Variants in EYS observed in about 807,000 individuals in gnomAD.
EYS encodes the protein protein eyes shut homolog.
Under a neutral mutation model 282.1 loss-of-function variants are expected in EYS, and 250 were observed. The observed-to-expected ratio is 0.89, with a 90% CI of 0.80 to 0.98. The LOEUF is 0.98. Ranked by LOEUF, EYS falls within the 50% of genes least tolerant of loss-of-function variation. EYS has a pLI of 0.00. For missense variants in EYS, 4,016 were observed against 3,709.0 expected (o/e 1.08, Z -2.15); for synonymous variants, 1,355 against 1,282.9 (o/e 1.06, Z -1.20).
At chr6:64,542,130 T>C (rs918006787) in intron 26 of EYS, among the ~76,000 whole-genome samples, 1 of 152,090 alleles carries the variant, frequency 6.6e-6, no homozygotes, top group African/African-American at 2.4e-5. Flanking sequence ...AATAATAAAA[T>C]AGTTCACCTC....
chr6:64,870,162 T>A (rs1320556082), intron 19 of EYS, among the ~76,000 whole-genome samples: 2 of 151,586 alleles, frequency 1.3e-5, no homozygotes, highest in Non-Finnish European at 3.0e-5. Context: ...CATATAACAC[T>A]GAAATTCCAC....
intron 26 of EYS, among the ~76,000 whole-genome samples, chr6:64,555,367 TGAG>T (rs1004838817): frequency 5.9e-5 from 9 of 151,484 alleles, no homozygotes; most frequent in Non-Finnish European, 1.2e-4. Flanking sequence ...GGTAGAGAAG[TGAG>T]GAGATGTTGG....
At chr6:64,874,764 AT>A (rs1249655494) in intron 19 of EYS, among the ~76,000 whole-genome samples, 1 of 152,126 alleles carries the variant, frequency 6.6e-6, no homozygotes, top group Non-Finnish European at 1.5e-5. Context: ...TAGAATATTT[AT>A]AAATTACCTT....
intron 29 of EYS, among the ~76,000 whole-genome samples, chr6:64,314,352 C>A (rs1769850346): frequency 6.6e-6 from 1 of 152,032 alleles, no homozygotes; most frequent in Admixed American, 6.5e-5. Flanking sequence ...AATATATATG[C>A]AACCAATACA....
At chr6:65,154,802 A>AT (rs1262602531) in intron 12 of EYS, among the ~76,000 whole-genome samples, 2 of 151,628 alleles carry the variant, frequency 1.3e-5, no homozygotes, top group Non-Finnish European at 3.0e-5. Flanking sequence ...AGGATATGTA[A>AT]TTATACTGAT....
intron 41 of EYS, among the ~76,000 whole-genome samples, chr6:63,749,206 G>T (rs1769282123): frequency 6.6e-6 from 1 of 152,112 alleles, no homozygotes; most frequent in South Asian, 2.1e-4. Flanking sequence ...TAGTTTCAAA[G>T]AACTTCTTGA....
chr6:64,379,566 T>A (rs939199910), intron 29 of EYS: 1 of 152,170 alleles, frequency 6.6e-6, no homozygotes. Flanking sequence ...TATGGTTTTG[T>A]TGATTTGTTT....
At chr6:65,371,741 C>CTCTCTCTCTCTGTGTG (rs1335075948) in intron 8 of EYS, among the ~76,000 whole-genome samples, 1 of 70,244 alleles carries the variant, frequency 1.4e-5, no homozygotes, top group African/African-American at 6.0e-5. Flanking sequence ...CTCTCTCTCT[C>CTCTCTCTCTCTGTGTG]TGTGTGTGTG....
chr6:64,290,513 A>G (rs186099814), intron 30 of EYS, among the ~76,000 whole-genome samples: 44 of 152,236 alleles, frequency 2.9e-4, no homozygotes, highest in African/African-American at 1.1e-3. Context: ...TGTAACAAAT[A>G]TATCACCAAA....
At chr6:65,696,261 TA>T (rs979841527) in intron 1 of EYS, among the ~76,000 whole-genome samples, 5 of 151,834 alleles carry the variant, frequency 3.3e-5, no homozygotes, top group East Asian at 1.9e-4. Context: ...TACTCCTGGT[TA>T]AAAAAAATCT....
intron 2 of EYS, among the ~76,000 whole-genome samples, chr6:65,533,521 G>C (rs1437283999): frequency 6.6e-6 from 1 of 152,038 alleles, no homozygotes; most frequent in South Asian, 2.1e-4. Flanking sequence ...GCCTGGGAGA[G>C]ACACAATAAA....
chr6:63,788,076 G>C (rs551500287), intron 39 of EYS, 29 bp downstream of exon 39: 2 of 1,474,472 alleles, frequency 1.4e-6, no homozygotes, highest in Non-Finnish European at 1.8e-6. Context: ...AAATAAGTAG[G>C]TATAATATAA....
intron 8 of EYS, among the ~76,000 whole-genome samples, chr6:65,371,739 C>CTGTGTGTG (rs1249374177): frequency 2.1e-4 from 11 of 51,714 alleles, no homozygotes; most frequent in East Asian, 9.1e-4. Flanking sequence ...CTCTCTCTCT[C>CTGTGTGTG]TCTGTGTGTG....
At chr6:65,061,085 G>A (rs578057283) in intron 12 of EYS, among the ~76,000 whole-genome samples, 1 of 151,936 alleles carries the variant, frequency 6.6e-6, no homozygotes, top group African/African-American at 2.4e-5. Flanking sequence ...AACAGATTTT[G>A]CGACTGACTC....
intron 2 of EYS, among the ~76,000 whole-genome samples, chr6:65,517,002 TGGATAATA>T (rs1767161320): frequency 1.3e-5 from 2 of 152,018 alleles, no homozygotes; most frequent in Non-Finnish European, 2.9e-5. Context: ...AAATACTATG[TGGATAATA>T]GCTCTATTAT....
intron 12 of EYS, among the ~76,000 whole-genome samples, chr6:65,225,666 A>T (rs1285630886): frequency 6.6e-6 from 1 of 150,882 alleles, no homozygotes; most frequent in South Asian, 2.1e-4. Context: ...GTGAGCCAAG[A>T]TTGTGCCATT....
intron 26 of EYS, among the ~76,000 whole-genome samples, chr6:64,472,875 T>C (rs1020562088): frequency 6.6e-6 from 1 of 152,112 alleles, no homozygotes; most frequent in Non-Finnish European, 1.5e-5. Flanking sequence ...AAGCATACCT[T>C]TGTGAGGAGA....
At chr6:63,776,754 C>T (rs138614324) in intron 40 of EYS, among the ~76,000 whole-genome samples, 36 of 152,156 alleles carry the variant, frequency 2.4e-4, no homozygotes, top group Non-Finnish European at 4.0e-4. Context: ...CATGGAATAA[C>T]GTAGGGTGGG....
intron 41 of EYS, among the ~76,000 whole-genome samples, chr6:63,756,676 C>A (rs1241881021): frequency 1.3e-5 from 2 of 151,982 alleles, no homozygotes; most frequent in Non-Finnish European, 2.9e-5. Context: ...AGTCAGGACC[C>A]CAAACGGAGG....
Sources: gnomAD v4.1 joint callset for allele counts (sites outside exome capture counted in the v4.1 genomes callset) on GRCh38, gnomAD v4.1.1 for gene constraint, MANE v1.5 for transcripts, NCBI Gene and HGNC (gene_info 2026-07-23, HGNC 2026-07-21) for gene names.